The following FOLR3 variants were observed in gnomAD, a reference collection of about 807,000 sequenced individuals.
The protein encoded by FOLR3 is folate receptor gamma, also known as folate receptor 3 (gamma).
In FOLR3, 9 loss-of-function variants were observed where a neutral mutation model predicts 20.0. The observed-to-expected ratio is 0.45, with a 90% CI of 0.27 to 0.79. The LOEUF (loss-of-function observed/expected upper bound fraction) is 0.79. Among genes scored for constraint, FOLR3 ranks in the 30% least tolerant of loss-of-function variants. The probability of loss-of-function intolerance (pLI) is 0.15; values close to 1 mark genes in which losing one functional copy is unlikely to be tolerated. For missense variants in FOLR3, 309 were observed against 323.5 expected (o/e 0.96, Z 0.34); for synonymous variants, 124 against 115.5 (o/e 1.07, Z -0.47).
At position 72,138,982 on chromosome 11, in the gene FOLR3, G is replaced by C; in HGVS notation, c.190G>C (p.Ala64Pro). 6.2e-7 allele frequency: 1 copy of C among 1,613,982 alleles called. No individual in the cohort carries two copies. Among genetic ancestry groups the C allele is most frequent in the Non-Finnish European group, 8.5e-7 (1 of 1,179,892 alleles). The change falls in exon 3 of 5, where the codon GCC becomes CCC. Residue 64 changes from alanine (A) to proline (P), a missense_variant. By Grantham distance (27) the Ala-to-Pro change is conservative. Coordinates refer to ENST00000611028, the MANE Select transcript of FOLR3 (RefSeq NM_000804.4). ...CCAGTGCAGTCCCTGGAAGAAGAAT[G>C]CCTGCTGCACGGCCAGCACCAGCCA... Reference protein sequence around the residue: ...YGQCSPWKKNACCTASTSQEL... With the variant: ...YGQCSPWKKNPCCTASTSQEL...
In FOLR3 at chr11:72,139,816, G is replaced by C. The variant is rs897885251; in HGVS notation, c.723G>C (p.Gly241=). 1.2e-6 allele frequency: 2 copies of C among 1,613,968 alleles called. No individual in the cohort carries two copies. The highest frequency in any genetic ancestry group is 3.3e-5 in the Admixed American group (2 of 60,020). ...AAMNAGAPSR[G]IIDS Reference sequence around the variant, plus strand: ...TGAATGCTGGGGCCCCGTCTCGTGGGATTATTGATTCCTGATCCAAGAAGG... The same window carrying C: ...TGAATGCTGGGGCCCCGTCTCGTGGCATTATTGATTCCTGATCCAAGAAGG... Residue 241 remains glycine, a synonymous_variant, in exon 5 of 5, where the codon GGG becomes GGC. Coordinates refer to ENST00000611028, the MANE Select transcript of FOLR3 (RefSeq NM_000804.4).
At chr11:72,139,181 C>T in intron 3 of FOLR3, 32 bp downstream of exon 3, 1 of 1,594,896 alleles carries the variant, frequency 6.3e-7, no homozygotes, top group Non-Finnish European at 8.6e-7. Flanking sequence ...ACATTAACCT[C>T]AGCAGAGGGC....
chr11:72,136,045 G>T lies in FOLR3; in HGVS notation c.93G>T (p.Thr31=), dbSNP rs375678047. The change falls in exon 2 of 5, where the codon ACG becomes ACT. Residue 31 remains threonine (T), a synonymous_variant. Coordinates refer to ENST00000611028, the MANE Select transcript of FOLR3 (RefSeq NM_000804.4). Reference sequence around the variant, plus strand: ...AGCCCAGGAGTGCGCGGGCCAGGACGGACCTGCTCAATGTCTGCATGAACG... The same window carrying T: ...AGCCCAGGAGTGCGCGGGCCAGGACTGACCTGCTCAATGTCTGCATGAACG... ...SAQPRSARAR[T]DLLNVCMNAK... The T allele has an allele frequency of 1.3e-5, 21 of 1,613,874 alleles. No individual in the cohort carries two copies. The Admixed American group carries it at 3.5e-4, about 27-fold the overall frequency.
intron 2 of FOLR3, 123 bp from the exon 3 acceptor site, chr11:72,138,838 A>G (rs1206039651): frequency 2.7e-6 from 3 of 1,129,444 alleles, no homozygotes; most frequent in Middle Eastern, 2.0e-4. Context: ...CCCAGGTGGG[A>G]GCTCCTCAAG....
In FOLR3 at chr11:72,135,928, G is replaced by A. The variant is rs1947736334; in HGVS notation, c.-6-19G>A. The A allele has an allele frequency of 6.2e-7, 1 of 1,607,860 alleles. No homozygotes were observed. Among genetic ancestry groups the A allele is most frequent in the East Asian group, 2.2e-5 (1 of 44,882 alleles). On this transcript the variant is annotated intron_variant, in intron 1 of 4. Coordinates refer to ENST00000611028, the MANE Select transcript of FOLR3 (RefSeq NM_000804.4). ...CCTGTCTCAGGCCTTGTCTACCTCT[G>A]ACTGTGGCTCTCTGGCAGGAATAGA...
At position 72,139,380 on chromosome 11, in the gene FOLR3, A is replaced by G; in HGVS notation, c.391A>G (p.Asn131Asp). 1.9e-6 allele frequency: 3 copies of G among 1,612,172 alleles called. No homozygotes were observed. The South Asian group carries it at 3.3e-5, about 18-fold the overall frequency. ...NQSWRKERIL[N>D]VPLCKEDCER... is the part of the protein sequence containing the mutation. ...GAGCTGGCGCAAAGAGCGCATTCTG[A>G]ACGTGCCCCTGTGCAAAGAGGACTG... is the stretch of plus-strand genomic sequence containing the variant. Residue 131 changes from asparagine to aspartate, a missense_variant, in exon 4 of 5, where the codon AAC becomes GAC. Physicochemically the swap from Asn to Asp is conservative, Grantham distance 23. Coordinates refer to ENST00000611028, the MANE Select transcript of FOLR3 (RefSeq NM_000804.4).
chr11:72,138,831 A>T, intron 2 of FOLR3, 130 bp from the exon 3 acceptor site: 2 of 1,021,276 alleles, frequency 2.0e-6, no homozygotes, highest in East Asian at 2.6e-5. Context: ...CTCCGTCCCC[A>T]GGTGGGAGCT....
At chr11:72,136,594 G>A (rs1349611796) in intron 2 of FOLR3, among the ~76,000 whole-genome samples, 4 of 151,760 alleles carry the variant, frequency 2.6e-5, no homozygotes, top group Admixed American at 2.6e-4. Context: ...AGTGGCATTA[G>A]GTATGCTCAT....
rs757546474 is a variant in FOLR3, at chr11:72,139,588, G to C, written c.495G>C (p.Gly165=). The C allele has an allele frequency of 6.8e-6, 11 of 1,613,816 alleles. No homozygotes were observed. Among genetic ancestry groups the C allele is most frequent in the Admixed American group, 1.7e-5 (1 of 60,004 alleles). Residue 165 remains glycine (G), a splice_region_variant and synonymous_variant, in exon 5 of 5, where the codon GGG becomes GGC. Coordinates refer to ENST00000611028, the MANE Select transcript of FOLR3 (RefSeq NM_000804.4). ...NWHKGWNWTS[G]INECPAGALC... Reference sequence around the variant, plus strand: ...GGGTCTTACGTTCTCCTCCCTCAGGGATTAATGAGTGTCCGGCCGGGGCCC... The same window carrying C: ...GGGTCTTACGTTCTCCTCCCTCAGGCATTAATGAGTGTCCGGCCGGGGCCC...
intron 1 of FOLR3, 23 bp from the exon 2 acceptor site, chr11:72,135,924 C>T (rs775028031): frequency 1.2e-6 from 2 of 1,612,572 alleles, no homozygotes; most frequent in African/African-American, 1.3e-5. Context: ...CCTTGTCTAC[C>T]TCTGACTGTG....
Position 72,138,980 on chromosome 11 carries a change from A to G in FOLR3, c.188A>G (p.Asn63Ser). ...LYGQCSPWKKNACCTASTSQE... is the reference protein window; with the variant it reads ...LYGQCSPWKKSACCTASTSQE... ...ACCCAGTGCAGTCCCTGGAAGAAGA[A>G]TGCCTGCTGCACGGCCAGCACCAGC... The change falls in exon 3 of 5, where the codon AAT (asparagine) becomes AGT (serine). Residue 63 changes from asparagine (N) to serine (S), a missense_variant. Physicochemically the swap from Asn to Ser is conservative, Grantham distance 46. Coordinates refer to ENST00000611028, the MANE Select transcript of FOLR3 (RefSeq NM_000804.4). 1 of 1,613,928 alleles carries G rather than the reference A, an allele frequency of 6.2e-7. No individual in the cohort carries two copies. Among genetic ancestry groups the G allele is most frequent in the Non-Finnish European group, 8.5e-7 (1 of 1,179,878 alleles).
chr11:72,135,877 G>C (rs75780959), intron 1 of FOLR3, 70 bp from the exon 2 acceptor site: 40,671 of 1,448,854 alleles, frequency 0.028, 1,866 homozygotes, highest in African/African-American at 0.17. Context: ...GGGAGGGAGA[G>C]AGTACACAAT....
In FOLR3 at chr11:72,139,020, G is replaced by A; in HGVS notation, c.228G>A (p.Lys76=). 1 of 1,613,992 alleles carries A rather than the reference G, an allele frequency of 6.2e-7. No homozygotes were observed. The highest frequency in any genetic ancestry group is 8.5e-7 in the Non-Finnish European group (1 of 1,179,884). ...CCAGCACCAGCCAGGAGCTGCACAA[G>A]GACACCTCCCGCCTGTACAACTTTA... ...CTASTSQELH[K]DTSRLYNFNW... The change falls in exon 3 of 5, where the codon AAG becomes AAA. Residue 76 remains lysine (K), a synonymous_variant. Transcript: ENST00000611028.
At chr11:72,138,344 C>G (rs1168152018) in intron 2 of FOLR3, among the ~76,000 whole-genome samples, 2 of 152,072 alleles carry the variant, frequency 1.3e-5, no homozygotes, top group East Asian at 3.9e-4. Flanking sequence ...CCAGTCTGGG[C>G]AACAGGAGCG....
chr11:72,137,748 T>A (rs544637853), intron 2 of FOLR3, among the ~76,000 whole-genome samples: 1 of 152,142 alleles, frequency 6.6e-6, no homozygotes, highest in Non-Finnish European at 1.5e-5. Context: ...CCCGCCTCCT[T>A]AAATCTTAAC....
Position 72,139,861 on chromosome 11 carries a change from A to G in FOLR3, c.*30A>G, listed in dbSNP as rs1372805933. ...AGAAGGGTCCTCTGGGGTTCTTCCAACAACCTATTCTAATAGACAAATCCA... is the reference window on the plus strand; with the variant it reads ...AGAAGGGTCCTCTGGGGTTCTTCCAGCAACCTATTCTAATAGACAAATCCA... On this transcript the variant is annotated 3_prime_UTR_variant, in exon 5 of 5. Transcript: ENST00000611028. The G allele has an allele frequency of 1.2e-6, 2 of 1,610,782 alleles. No homozygotes were observed. The highest frequency in any genetic ancestry group is 2.7e-5 in the African/African-American group (2 of 74,796).
chr11:72,139,289 A>C, intron 3 of FOLR3, 58 bp from the exon 4 acceptor site: 2 of 1,583,058 alleles, frequency 1.3e-6, no homozygotes, highest in East Asian at 4.5e-5. Flanking sequence ...GTCCCCTTCA[A>C]GGGTAAAGCT....
Position 72,139,665 on chromosome 11 carries a change from G to C in FOLR3, c.572G>C (p.Gly191Ala). Reference sequence around the variant, plus strand: ...CCCACTCCAGCCGCCCTTTGTGAAGGCCTCTGGAGCCACTCCTTCAAGGTC... The same window carrying C: ...CCCACTCCAGCCGCCCTTTGTGAAGCCCTCTGGAGCCACTCCTTCAAGGTC... ...YFPTPAALCE[G>A]LWSHSFKVSN... Residue 191 changes from glycine (G) to alanine (A), a missense_variant, in exon 5 of 5, where the codon GGC (glycine) becomes GCC (alanine). Transcript: ENST00000611028. 1.2e-6 allele frequency: 2 copies of C among 1,613,546 alleles called. No homozygotes were observed. The highest frequency in any genetic ancestry group is 1.1e-5 in the South Asian group (1 of 91,054).
rs750547541 is a variant in FOLR3 at position 72,139,020 on chromosome 11, G to C, written c.228G>C (p.Lys76Asn). ...CTASTSQELH[K>N]DTSRLYNFNW... Reference sequence around the variant, plus strand: ...CCAGCACCAGCCAGGAGCTGCACAAGGACACCTCCCGCCTGTACAACTTTA... The same window carrying C: ...CCAGCACCAGCCAGGAGCTGCACAACGACACCTCCCGCCTGTACAACTTTA... The change falls in exon 3 of 5, where the codon AAG (lysine) becomes AAC (asparagine). Residue 76 changes from lysine (K) to asparagine (N), a missense_variant. Transcript: ENST00000611028. 8 of 1,613,992 alleles carry C rather than the reference G, an allele frequency of 5.0e-6. No homozygotes were observed. The South Asian group carries it at 8.8e-5, about 18-fold the overall frequency.
Sources: gnomAD v4.1 joint callset for allele counts (sites outside exome capture counted in the v4.1 genomes callset) on GRCh38, gnomAD v4.1.1 for gene constraint, MANE v1.5 for transcripts, NCBI Gene and HGNC (gene_info 2026-07-23, HGNC 2026-07-21) for gene names.